Variants in TMEM233 observed in about 807,000 individuals in gnomAD.
TMEM233 encodes dispanin subfamily B member 2.
Under a neutral mutation model 11.2 loss-of-function variants are expected in TMEM233, and 6 were observed. The ratio of observed to expected loss-of-function variants is 0.54; its 90% CI spans 0.29 to 1.06. TMEM233 has a LOEUF of 1.06. Ranked by LOEUF, TMEM233 falls within the 50% of genes least tolerant of loss-of-function variation. The pLI is 0.08. For missense variants in TMEM233, 127 were observed against 144.7 expected (o/e 0.88, Z 0.63); for synonymous variants, 59 against 55.8 (o/e 1.06, Z -0.26).
intron 1 of TMEM233, among the ~76,000 whole-genome samples, chr12:119,628,155 AT>A (rs202093884): frequency 6.7e-6 from 1 of 150,364 alleles, no homozygotes; most frequent in South Asian, 2.1e-4. Context: ...TTTATATTTT[AT>A]TTTTTTTATT....
intron 1 of TMEM233, among the ~76,000 whole-genome samples, chr12:119,596,043 C>A (rs1954039885): frequency 6.6e-6 from 1 of 151,976 alleles, no homozygotes; most frequent in Non-Finnish European, 1.5e-5. Flanking sequence ...CCTTTTTTTC[C>A]CATCCTGGAG....
intron 2 of TMEM233, among the ~76,000 whole-genome samples, chr12:119,640,321 A>AT (rs1257216505): frequency 1.3e-5 from 2 of 151,540 alleles, no homozygotes; most frequent in East Asian, 1.9e-4. Context: ...CGCCCGGCTA[A>AT]TTTTTTTTGT....
chr12:119,630,330 C>T (rs1455817232), intron 2 of TMEM233, among the ~76,000 whole-genome samples: 1 of 152,210 alleles, frequency 6.6e-6, no homozygotes, highest in African/African-American at 2.4e-5. Flanking sequence ...GGTCTCTCCT[C>T]CACACAGTCA....
intron 1 of TMEM233, among the ~76,000 whole-genome samples, chr12:119,601,442 G>A (rs1214148119): frequency 6.6e-6 from 1 of 152,062 alleles, no homozygotes; most frequent in African/African-American, 2.4e-5. Flanking sequence ...GGATCACGAG[G>A]TCAGGAGACT....
chr12:119,604,054 C>T (rs947873947), intron 1 of TMEM233, among the ~76,000 whole-genome samples: 1 of 152,218 alleles, frequency 6.6e-6, no homozygotes, highest in Admixed American at 6.5e-5. Context: ...AGTTGGTCCA[C>T]GTTTAGAAAT....
chr12:119,608,479 T>C (rs1954329551), intron 1 of TMEM233, among the ~76,000 whole-genome samples: 1 of 152,170 alleles, frequency 6.6e-6, no homozygotes. Flanking sequence ...AGAAGGAAAA[T>C]GAAGGAGGCT....
chr12:119,620,470 C>G (rs1166081070), intron 1 of TMEM233, among the ~76,000 whole-genome samples: 1 of 152,180 alleles, frequency 6.6e-6, no homozygotes, highest in Non-Finnish European at 1.5e-5. Flanking sequence ...AGAATGTCCA[C>G]TGCAGCATAT....
At chr12:119,620,041 C>T (rs149321936) in intron 1 of TMEM233, among the ~76,000 whole-genome samples, 1 of 152,314 alleles carries the variant, frequency 6.6e-6, no homozygotes, top group East Asian at 1.9e-4. Context: ...GTTAATTCAA[C>T]ACATACTTAT....
chr12:119,608,977 G>T (rs1404135987), intron 1 of TMEM233, among the ~76,000 whole-genome samples: 2 of 152,132 alleles, frequency 1.3e-5, no homozygotes, highest in Non-Finnish European at 2.9e-5. Flanking sequence ...GCTGCTATAA[G>T]GATACGCAAA....
chr12:119,598,353 A>G (rs1954090247), intron 1 of TMEM233, among the ~76,000 whole-genome samples: 1 of 152,234 alleles, frequency 6.6e-6, no homozygotes. Flanking sequence ...ATTCTTGATG[A>G]CATCATGATG....
At chr12:119,632,155 C>G (rs1015602365) in intron 2 of TMEM233, among the ~76,000 whole-genome samples, 2 of 152,322 alleles carry the variant, frequency 1.3e-5, no homozygotes, top group African/African-American at 4.8e-5. Flanking sequence ...TAGACCTTGA[C>G]ATATGCCAGG....
intron 2 of TMEM233, among the ~76,000 whole-genome samples, chr12:119,637,585 T>G (rs1305561951): frequency 6.6e-6 from 1 of 152,220 alleles, no homozygotes; most frequent in African/African-American, 2.4e-5. Context: ...TTCTATATTT[T>G]TGGCTGGGGA....
intron 1 of TMEM233, among the ~76,000 whole-genome samples, chr12:119,604,940 G>A (rs928713274): frequency 2.6e-5 from 4 of 151,338 alleles, no homozygotes; most frequent in African/African-American, 9.7e-5. Context: ...GCTAAGTTAG[G>A]TGTTTTTAAT....
chr12:119,636,691 T>A (rs745655630), intron 2 of TMEM233, among the ~76,000 whole-genome samples: 1 of 152,154 alleles, frequency 6.6e-6, no homozygotes, highest in African/African-American at 2.4e-5. Context: ...GGAACGTCCT[T>A]AGCAGCAGAA....
Position 119,640,863 on chromosome 12 carries a change from A to AG in TMEM233, c.*158_*159insG, listed in dbSNP as rs1955072815. Reference sequence around the variant, plus strand: ...TCCCTGGCAAATGAACAAGAAAAAAAAAAAAAAAAAGTCCAAAATTTAGGC... The same window carrying AG: ...TCCCTGGCAAATGAACAAGAAAAAAAGAAAAAAAAAAGTCCAAAATTTAGGC... On this transcript the variant is annotated 3_prime_UTR_variant, in exon 3 of 3. Transcript: ENST00000426426. The AG allele has an allele frequency of 1.3e-6, 1 of 795,404 alleles. No individual in the cohort carries two copies. Among genetic ancestry groups the AG allele is most frequent in the Non-Finnish European group, 1.8e-6 (1 of 540,702 alleles). 49.3% of individuals were successfully genotyped at this position (795,404 alleles called of 1,614,324 possible).
Position 119,609,965 on chromosome 12 carries a change from T to C in TMEM233, c.186+15931T>C, listed in dbSNP as rs574376173. On this transcript the variant is annotated intron_variant, in intron 1 of 2. Coordinates refer to ENST00000426426, the MANE Select transcript of TMEM233 (RefSeq NM_001136534.3). ...TCTAGACCCCAGAATGGTAGATCCA[T>C]CAATAGCTTGCACCATGCACTTGGT... 2.0e-5 allele frequency among the ~76,000 whole-genome samples: 3 copies of C among 152,216 alleles called. No homozygotes were observed. In the East Asian group the frequency reaches 5.8e-4, roughly 30 times the overall value.
At chr12:119,638,311 A>T (rs1302861647) in intron 2 of TMEM233, among the ~76,000 whole-genome samples, 3 of 152,182 alleles carry the variant, frequency 2.0e-5, no homozygotes, top group East Asian at 3.9e-4. Context: ...AATTTAAAAA[A>T]ATATATCTGG....
intron 1 of TMEM233, among the ~76,000 whole-genome samples, chr12:119,604,998 C>CTCTTT (rs567468740): frequency 0.026 from 3,656 of 141,434 alleles, 167 homozygotes; most frequent in African/African-American, 0.086. Context: ...CCCTCACTAT[C>CTCTTT]TTTTTTTTTT....
intron 1 of TMEM233, among the ~76,000 whole-genome samples, chr12:119,618,896 A>G (rs1377594438): frequency 6.6e-6 from 1 of 152,198 alleles, no homozygotes; most frequent in Non-Finnish European, 1.5e-5. Context: ...TTGTCTTGAA[A>G]TGTGAGGACA....
Sources: gnomAD v4.1 joint callset for allele counts (sites outside exome capture counted in the v4.1 genomes callset) on GRCh38, gnomAD v4.1.1 for gene constraint, MANE v1.5 for transcripts, NCBI Gene and HGNC (gene_info 2026-07-23, HGNC 2026-07-21) for gene names.